The following CRISPLD2 variants were observed in gnomAD, a reference collection of about 807,000 sequenced individuals.
CRISPLD2 encodes cysteine rich secretory protein LCCL domain containing 2.
In CRISPLD2, 47 loss-of-function variants were observed where a neutral mutation model predicts 71.1. That is an observed-to-expected ratio of 0.66 (90% CI 0.52 to 0.84). The LOEUF is 0.84. Among genes scored for constraint, CRISPLD2 ranks in the 40% least tolerant of loss-of-function variants. CRISPLD2 has a pLI of 0.00. For missense variants in CRISPLD2, 830 were observed against 651.1 expected (o/e 1.27, Z -2.99); for synonymous variants, 317 against 250.1 (o/e 1.27, Z -2.52).
intron 6 of CRISPLD2, 49 bp from the exon 7 acceptor site, chr16:84,866,848 T>A (rs370791470): frequency 1.3e-6 from 2 of 1,569,882 alleles, no homozygotes; most frequent in African/African-American, 2.7e-5. Flanking sequence ...AAGTGCGTTT[T>A]TGTTGAATCC....
At chr16:84,855,104 A>G (rs1270963489) in intron 6 of CRISPLD2, among the ~76,000 whole-genome samples, 1 of 152,102 alleles carries the variant, frequency 6.6e-6, no homozygotes, top group African/African-American at 2.4e-5. Context: ...TGGACACAGC[A>G]TTAAATGCAG....
At chr16:84,876,264 C>T (rs1908969) in intron 11 of CRISPLD2, among the ~76,000 whole-genome samples, 2 of 152,228 alleles carry the variant, frequency 1.3e-5, no homozygotes, top group South Asian at 2.1e-4. Flanking sequence ...CACTTTGAGA[C>T]GTCCAGGCAG....
At chr16:84,893,053 A>G (rs2071676690) in intron 14 of CRISPLD2, among the ~76,000 whole-genome samples, 1 of 151,426 alleles carries the variant, frequency 6.6e-6, no homozygotes, top group South Asian at 2.1e-4. Context: ...CAGGGCACAG[A>G]TGATTGAGCC....
At chr16:84,842,652 G>A (rs1916806416) in intron 2 of CRISPLD2, among the ~76,000 whole-genome samples, 1 of 152,104 alleles carries the variant, frequency 6.6e-6, no homozygotes, top group Admixed American at 6.6e-5. Context: ...GGGATTACAG[G>A]CATGAACCAC....
intron 14 of CRISPLD2, among the ~76,000 whole-genome samples, chr16:84,904,221 C>T (rs528508343): frequency 6.6e-6 from 1 of 152,164 alleles, no homozygotes; most frequent in East Asian, 1.9e-4. Context: ...CTTCCCAATT[C>T]TGAAACATCC....
chr16:84,873,259 C>T, intron 10 of CRISPLD2, 137 bp downstream of exon 10: 1 of 979,966 alleles, frequency 1.0e-6, no homozygotes, highest in Non-Finnish European at 1.5e-6. Context: ...AGGTGGATCA[C>T]CTGAGGTCAG....
intron 6 of CRISPLD2, among the ~76,000 whole-genome samples, chr16:84,857,197 C>A (rs1373438772): frequency 1.3e-5 from 2 of 152,222 alleles, no homozygotes; most frequent in Non-Finnish European, 2.9e-5. Flanking sequence ...TGAGCCCATG[C>A]ATAACCTCCA....
chr16:84,905,154 C>A (rs1406637407), intron 14 of CRISPLD2, among the ~76,000 whole-genome samples: 1 of 152,084 alleles, frequency 6.6e-6, no homozygotes, highest in Non-Finnish European at 1.5e-5. Flanking sequence ...TGGTGACATG[C>A]TGCTCAGGAG....
rs142327389 is a variant in CRISPLD2 at position 84,883,948 on chromosome 16, A to G, written c.1305+3364A>G. On this transcript the variant is annotated intron_variant, in intron 13 of 14. Coordinates refer to ENST00000262424, the MANE Select transcript of CRISPLD2 (RefSeq NM_031476.4). ...AACCTCCGCCTCCTGAGTTCAAGCA[A>G]TTCTCCTGTCCCAGCCTCCCGAGTA... Among the ~76,000 whole-genome samples the G allele has an allele frequency of 4.9e-3, 745 of 151,670 alleles. 5 individuals are homozygous for G. The highest frequency in any genetic ancestry group is 7.7e-3 in the Non-Finnish European group (521 of 67,888).
chr16:84,901,405 TG>T (rs1356946606), intron 14 of CRISPLD2, among the ~76,000 whole-genome samples: 4 of 151,860 alleles, frequency 2.6e-5, no homozygotes, highest in Non-Finnish European at 5.9e-5. Context: ...ACAACTAAAA[TG>T]TGCGGCTATG....
intron 10 of CRISPLD2, 32 bp downstream of exon 10, chr16:84,873,154 C>T (rs190350027): frequency 2.7e-5 from 43 of 1,597,984 alleles, no homozygotes; most frequent in Admixed American, 8.7e-5. Flanking sequence ...CTCTGTGAAA[C>T]GGTTTTCCTG....
At position 84,907,610 on chromosome 16, in the gene CRISPLD2, G is replaced by A. The variant is rs1318538469; in HGVS notation, c.*968G>A. The A allele has an allele frequency of 6.6e-6, 1 of 152,176 alleles. No individual in the cohort carries two copies. The highest frequency in any genetic ancestry group is 2.4e-5 in the African/African-American group (1 of 41,440). The allele number at this position is 152,176 out of a possible 1,614,324, so 9.4% of individuals were successfully genotyped here. A position where few individuals can be genotyped will look rare whatever the true frequency, so the allele number is the denominator to read the frequency against. Reference sequence around the variant, plus strand: ...AGATGTCTGAGAACAACCAAAGAAGGCCTGCTCTTTGCTGCTTTTAAAAAA... The same window carrying A: ...AGATGTCTGAGAACAACCAAAGAAGACCTGCTCTTTGCTGCTTTTAAAAAA... On this transcript the variant is annotated 3_prime_UTR_variant, in exon 15 of 15. Transcript: ENST00000262424.
chr16:84,898,453 C>G (rs1276702782), intron 14 of CRISPLD2, among the ~76,000 whole-genome samples: 2 of 152,130 alleles, frequency 1.3e-5, no homozygotes, highest in East Asian at 3.9e-4. Context: ...ATCATGCACA[C>G]CTCAGTGCTT....
intron 13 of CRISPLD2, among the ~76,000 whole-genome samples, chr16:84,881,452 T>C (rs1222973980): frequency 6.6e-6 from 1 of 152,158 alleles, no homozygotes; most frequent in East Asian, 1.9e-4. Flanking sequence ...TGTCCAGGGT[T>C]TGGGGACATG....
chr16:84,834,098 C>G (rs943182944), intron 1 of CRISPLD2, among the ~76,000 whole-genome samples: 1 of 152,172 alleles, frequency 6.6e-6, no homozygotes, highest in African/African-American at 2.4e-5. Context: ...TCGCCCTGGG[C>G]AGGTTCCTTA....
chr16:84,850,364 C>T (rs983864361), intron 4 of CRISPLD2, among the ~76,000 whole-genome samples: 1 of 152,180 alleles, frequency 6.6e-6, no homozygotes, highest in Admixed American at 6.5e-5. Flanking sequence ...GCTGAGATGA[C>T]AGGCGTGAGC....
chr16:84,847,713 A>G (rs1410942015), intron 3 of CRISPLD2, among the ~76,000 whole-genome samples: 2 of 152,154 alleles, frequency 1.3e-5, no homozygotes, highest in Non-Finnish European at 2.9e-5. Flanking sequence ...GAGATCTGGA[A>G]TTCCACTAGC....
chr16:84,823,907 G>A (rs1178970737), intron 1 of CRISPLD2, among the ~76,000 whole-genome samples: 1 of 152,068 alleles, frequency 6.6e-6, no homozygotes, highest in African/African-American at 2.4e-5. Flanking sequence ...CAACATCCCA[G>A]GAAAAAAAGT....
At chr16:84,893,164 C>G (rs765251152) in intron 14 of CRISPLD2, among the ~76,000 whole-genome samples, 2 of 152,118 alleles carry the variant, frequency 1.3e-5, no homozygotes, top group Non-Finnish European at 2.9e-5. Context: ...CACTGCTCCC[C>G]CAGTCCCCAG....
Sources: gnomAD v4.1 joint callset for allele counts (sites outside exome capture counted in the v4.1 genomes callset) on GRCh38, gnomAD v4.1.1 for gene constraint, MANE v1.5 for transcripts, NCBI Gene and HGNC (gene_info 2026-07-23, HGNC 2026-07-21) for gene names.